The following SH2D4B variants were observed in gnomAD, a reference collection of about 807,000 sequenced individuals.
The protein encoded by SH2D4B is SH2 domain containing 4B.
SH2D4B carries 45 observed loss-of-function variants against 61.5 expected under a neutral mutation model. That is an observed-to-expected ratio of 0.73 (90% CI 0.58 to 0.94). SH2D4B has a LOEUF of 0.94. Ranked by LOEUF, SH2D4B falls within the 40% of genes least tolerant of loss-of-function variation. The probability of loss-of-function intolerance (pLI) is 0.00; values close to 1 mark genes in which losing one functional copy is unlikely to be tolerated. For missense variants in SH2D4B, 572 were observed against 574.2 expected, an observed-to-expected ratio of 1.00 and a Z score of 0.04; for synonymous variants, 224 against 220.4, an observed-to-expected ratio of 1.02 and a Z score of -0.14.
intron 1 of SH2D4B, 98 bp from the exon 2 acceptor site, chr10:80,570,056 A>C (rs755632638): frequency 7.0e-7 from 1 of 1,421,098 alleles, no homozygotes; most frequent in Admixed American, 1.8e-5. Context: ...ACAATGTTCC[A>C]TAGAGTGATG....
At chr10:80,591,660 C>T (rs1842329160) in intron 4 of SH2D4B, among the ~76,000 whole-genome samples, 3 of 151,916 alleles carry the variant, frequency 2.0e-5, no homozygotes, top group African/African-American at 7.3e-5. Context: ...GCCACCACAC[C>T]CAGTTAATTT....
intron 6 of SH2D4B, among the ~76,000 whole-genome samples, chr10:80,613,596 C>A (rs1019371920): frequency 6.6e-6 from 1 of 152,200 alleles, no homozygotes; most frequent in Non-Finnish European, 1.5e-5. Flanking sequence ...GGATCTCAAG[C>A]GTGGCCTCAC....
rs145813404 is a variant in SH2D4B, at chr10:80,565,338, C to T, written c.185-4816C>T. On this transcript the variant is annotated intron_variant, in intron 1 of 7. Transcript: ENST00000646907. ...CCAGCCCCACTACCCTTCCCAGCCTCTGGTAACCATCATTCTACCCTCTAT... is the reference window on the plus strand; with the variant it reads ...CCAGCCCCACTACCCTTCCCAGCCTTTGGTAACCATCATTCTACCCTCTAT... 6.4e-3 allele frequency among the ~76,000 whole-genome samples: 972 copies of T among 151,154 alleles called. 11 individuals are homozygous for T. Among genetic ancestry groups the T allele is most frequent in the African/African-American group, 0.022 (924 of 41,106 alleles).
At position 80,603,655 on chromosome 10, in the gene SH2D4B, G is replaced by T; in HGVS notation, c.720G>T (p.Ser240=). The T allele has an allele frequency of 6.2e-7, 1 of 1,606,292 alleles. No homozygotes were observed. Among genetic ancestry groups the T allele is most frequent in the Non-Finnish European group, 8.5e-7 (1 of 1,177,002 alleles). ...CCCGGGACGAGTACCGACACCACTCGCTCCGTGCTATCCAGAAGGGCACGG... is the reference window on the plus strand; with the variant it reads ...CCCGGGACGAGTACCGACACCACTCTCTCCGTGCTATCCAGAAGGGCACGG... ...QRARDEYRHH[S]LRAIQKGTVA... The change falls in exon 5 of 8, where the codon TCG becomes TCT. Residue 240 remains serine, a synonymous_variant. Coordinates refer to ENST00000646907, the MANE Select transcript of SH2D4B (RefSeq NM_001388272.1).
intron 6 of SH2D4B, among the ~76,000 whole-genome samples, chr10:80,627,368 C>T (rs11186335): frequency 0.033 from 5,094 of 152,222 alleles, 301 homozygotes; most frequent in African/African-American, 0.12. Context: ...CCCTTTGGAG[C>T]TTGACTGCTG....
chr10:80,609,899 A>T (rs745622004), intron 6 of SH2D4B, among the ~76,000 whole-genome samples: 1 of 152,144 alleles, frequency 6.6e-6, no homozygotes, highest in Non-Finnish European at 1.5e-5. Flanking sequence ...CCATCCCTGG[A>T]TCCTGGCCAC....
At chr10:80,628,894 G>T (rs1291519644) in intron 6 of SH2D4B, among the ~76,000 whole-genome samples, 2 of 152,026 alleles carry the variant, frequency 1.3e-5, no homozygotes, top group Non-Finnish European at 2.9e-5. Flanking sequence ...GCCAGGCATA[G>T]TGGCGCATGC....
chr10:80,548,704 C>T (rs1485551972), intron 1 of SH2D4B, among the ~76,000 whole-genome samples: 1 of 152,228 alleles, frequency 6.6e-6, no homozygotes, highest in Non-Finnish European at 1.5e-5. Context: ...TGCTCGTCTC[C>T]TTCCTTTCTT....
chr10:80,629,833 G>A (rs1185624483), intron 6 of SH2D4B, among the ~76,000 whole-genome samples: 2 of 152,198 alleles, frequency 1.3e-5, no homozygotes, highest in African/African-American at 4.8e-5. Context: ...CGGTTTCAGA[G>A]AGGTTGAAGT....
At chr10:80,595,378 C>T (rs1484315851) in intron 4 of SH2D4B, among the ~76,000 whole-genome samples, 5 of 152,184 alleles carry the variant, frequency 3.3e-5, no homozygotes, top group Admixed American at 6.5e-5. Context: ...CTTATGGCTG[C>T]TGTTTTCACA....
chr10:80,571,015 A>G (rs1842035444), intron 2 of SH2D4B, among the ~76,000 whole-genome samples: 1 of 152,028 alleles, frequency 6.6e-6, no homozygotes, highest in Non-Finnish European at 1.5e-5. Flanking sequence ...TCTGGGACAC[A>G]GGTGCATGCC....
intron 7 of SH2D4B, among the ~76,000 whole-genome samples, chr10:80,642,705 C>G (rs1840327992): frequency 6.6e-6 from 1 of 152,200 alleles, no homozygotes. Flanking sequence ...TCCGATTTTT[C>G]ATGATCTTGA....
chr10:80,585,971 C>A (rs974533866), intron 3 of SH2D4B, among the ~76,000 whole-genome samples: 16 of 152,058 alleles, frequency 1.1e-4, no homozygotes, highest in Non-Finnish European at 2.2e-4. Flanking sequence ...ACACTCGGAG[C>A]GTCGAGCCGG....
intron 3 of SH2D4B, among the ~76,000 whole-genome samples, chr10:80,574,434 C>T (rs917801887): frequency 2.0e-5 from 3 of 152,190 alleles, no homozygotes; most frequent in South Asian, 2.1e-4. Context: ...CTACACCTAC[C>T]CATGCATTTC....
intron 6 of SH2D4B, among the ~76,000 whole-genome samples, chr10:80,622,424 C>G (rs909344459): frequency 6.6e-6 from 1 of 152,178 alleles, no homozygotes; most frequent in African/African-American, 2.4e-5. Context: ...TGCAGTTAAA[C>G]GAGGGCCAGG....
At chr10:80,562,894 C>CTTTTTTTTTTTTTTTTTTTTTTTTT (rs34539206) in intron 1 of SH2D4B, among the ~76,000 whole-genome samples, 3 of 74,698 alleles carry the variant, frequency 4.0e-5, no homozygotes, top group Non-Finnish European at 4.8e-5. Flanking sequence ...AACATTTTTT[C>CTTTTTTTTTTTTTTTTTTTTTTTTT]TTTTTTTTTT....
intron 4 of SH2D4B, among the ~76,000 whole-genome samples, chr10:80,592,715 CT>C (rs60807866): frequency 6.8e-4 from 92 of 134,488 alleles, no homozygotes; most frequent in Admixed American, 7.8e-4. Flanking sequence ...CTCTCTGTCT[CT>C]TTTTTTTTTT....
chr10:80,607,867 G>T (rs1842537585), intron 5 of SH2D4B, among the ~76,000 whole-genome samples: 1 of 152,196 alleles, frequency 6.6e-6, no homozygotes, highest in South Asian at 2.1e-4. Context: ...GTTGTTCAAG[G>T]TGGGCTGTTG....
At chr10:80,611,216 C>T (rs1341062726) in intron 6 of SH2D4B, among the ~76,000 whole-genome samples, 1 of 143,590 alleles carries the variant, frequency 7.0e-6, no homozygotes, top group African/African-American at 2.6e-5. Flanking sequence ...TTGATGATCT[C>T]ATGACAGAGG....
Sources: gnomAD v4.1 joint callset for allele counts (sites outside exome capture counted in the v4.1 genomes callset) on GRCh38, gnomAD v4.1.1 for gene constraint, MANE v1.5 for transcripts, NCBI Gene and HGNC (gene_info 2026-07-23, HGNC 2026-07-21) for gene names.